Variants in NDUFAF5 observed in about 807,000 individuals in gnomAD.
NDUFAF5 encodes arginine-hydroxylase NDUFAF5, mitochondrial.
In NDUFAF5, 34 loss-of-function variants were observed where a neutral mutation model predicts 48.9. The observed-to-expected ratio is 0.70, with a 90% CI of 0.53 to 0.93. NDUFAF5 has a LOEUF of 0.93. NDUFAF5 is among the 40% of genes least tolerant of loss of function. NDUFAF5 has a pLI of 0.00. For missense variants in NDUFAF5, 428 were observed against 427.5 expected, an observed-to-expected ratio of 1.00 and a Z score of -0.01; for synonymous variants, 153 against 150.6, an observed-to-expected ratio of 1.02 and a Z score of -0.12.
At chr20:13,799,598 C>G (rs1482124758) in intron 6 of NDUFAF5, among the ~76,000 whole-genome samples, 2 of 151,778 alleles carry the variant, frequency 1.3e-5, no homozygotes, top group Admixed American at 6.6e-5. Flanking sequence ...ACTTGGGATG[C>G]TGAGGCAGGA....
chr20:13,793,218 A>C lies in NDUFAF5; in HGVS notation c.366A>C (p.Glu122Asp), dbSNP rs1236987632. The C allele has an allele frequency of 8.1e-6, 13 of 1,613,584 alleles. No homozygotes were observed. Among genetic ancestry groups the C allele is most frequent in the Non-Finnish European group, 1.0e-5 (12 of 1,179,798 alleles). ...IGKFFQADIA[E>D]NALKNSSETE... ...AGTTTTTCCAAGCTGACATTGCAGAAAATGCTTTGGTAGGTAGCTTTTTAA... is the reference window on the plus strand; with the variant it reads ...AGTTTTTCCAAGCTGACATTGCAGACAATGCTTTGGTAGGTAGCTTTTTAA... The change falls in exon 4 of 11, where the codon GAA becomes GAC. Residue 122 changes from glutamate (E) to aspartate (D), a missense_variant. Coordinates refer to ENST00000378106, the MANE Select transcript of NDUFAF5 (RefSeq NM_024120.5).
intron 7 of NDUFAF5, among the ~76,000 whole-genome samples, chr20:13,803,750 A>G (rs1040514923): frequency 1.3e-5 from 2 of 152,160 alleles, no homozygotes; most frequent in Non-Finnish European, 2.9e-5. Context: ...GTTAACATAA[A>G]TGACCCTTTT....
chr20:13,807,295 C>T (rs1398452082), intron 7 of NDUFAF5, among the ~76,000 whole-genome samples: 1 of 152,096 alleles, frequency 6.6e-6, no homozygotes, highest in Non-Finnish European at 1.5e-5. Flanking sequence ...ATCTGCCTGC[C>T]TCGGCCTCCC....
chr20:13,799,691 T>A (rs145985462), intron 6 of NDUFAF5, among the ~76,000 whole-genome samples: 18 of 134,138 alleles, frequency 1.3e-4, no homozygotes, highest in Non-Finnish European at 3.2e-5. Flanking sequence ...AGAGTGAGAC[T>A]CTGTCTCAAA....
chr20:13,814,660 CT>C (rs1986254901), intron 8 of NDUFAF5: 11 of 409,330 alleles, frequency 2.7e-5, no homozygotes, highest in Middle Eastern at 8.8e-4. Flanking sequence ...CCAGATTTTT[CT>C]GTTATCTCAA....
At position 13,798,500 on chromosome 20, in the gene NDUFAF5, G is replaced by C; in HGVS notation, c.519G>C (p.Gln173His). ...ATGACCTTCCTAGAGCACTTGAGCA[G>C]GTAAGAAAACTTATGTTCATTCAAC... is the stretch of plus-strand genomic sequence containing the variant. ...WVNDLPRALEQIHYILKPDGV... is the reference protein window; with the variant it reads ...WVNDLPRALEHIHYILKPDGV... The change falls in exon 6 of 11, where the codon CAG (glutamine) becomes CAC (histidine). Residue 173 changes from glutamine to histidine, a missense_variant and splice_region_variant. Physicochemically the swap from Gln to His is conservative, Grantham distance 24. Coordinates refer to ENST00000378106, the MANE Select transcript of NDUFAF5 (RefSeq NM_024120.5). 3 of 1,605,308 alleles carry C rather than the reference G, an allele frequency of 1.9e-6. No homozygotes were observed. The highest frequency in any genetic ancestry group is 2.6e-6 in the Non-Finnish European group (3 of 1,172,222).
rs920975683 is a variant in NDUFAF5 at position 13,820,066 on chromosome 20, T to A, written c.*2856T>A. On this transcript the variant is annotated 3_prime_UTR_variant, in exon 11 of 11. Transcript: ENST00000378106. ...TTGTCAGTCTGACAGGGCTCTAGTATGTGCACACCGTGACACCTGTTGGCT... is the reference window on the plus strand; with the variant it reads ...TTGTCAGTCTGACAGGGCTCTAGTAAGTGCACACCGTGACACCTGTTGGCT... The A allele has an allele frequency of 1.3e-5, 2 of 152,216 alleles. No individual in the cohort carries two copies. Among genetic ancestry groups the A allele is most frequent in the African/African-American group, 4.8e-5 (2 of 41,446 alleles). The allele number at this position is 152,216 out of a possible 1,614,324, so 9.4% of individuals were successfully genotyped here.
intron 8 of NDUFAF5, among the ~76,000 whole-genome samples, chr20:13,810,857 A>ATAAACAT (rs1161414409): frequency 6.6e-6 from 1 of 152,190 alleles, no homozygotes; most frequent in African/African-American, 2.4e-5. Context: ...GTTTGAAAAC[A>ATAAACAT]AGAAGTTCCC....
In NDUFAF5 at chr20:13,817,282, TA is replaced by T. The variant is rs1568788580; in HGVS notation, c.*73del. 1 of 1,199,656 alleles carries T rather than the reference TA, an allele frequency of 8.3e-7. No individual in the cohort carries two copies. The highest frequency in any genetic ancestry group is 1.5e-5 in the African/African-American group (1 of 66,984). The allele number at this position is 1,199,656 out of a possible 1,614,324, so 74.3% of individuals were successfully genotyped here. A position where few individuals can be genotyped will look rare whatever the true frequency, so the allele number is the denominator to read the frequency against. On this transcript the variant is annotated 3_prime_UTR_variant, in exon 11 of 11. Transcript: ENST00000378106. Reference sequence around the variant, plus strand: ...ATAGCTTTAACATCTAAAATTATTATATTTTGAAGCAAGAAGCACTCTAAGC... The same window carrying T: ...ATAGCTTTAACATCTAAAATTATTATTTTTGAAGCAAGAAGCACTCTAAGC...
Position 13,818,457 on chromosome 20 carries a change from T to TTA in NDUFAF5, c.*1247_*1248insTA. The TTA allele has an allele frequency of 2.9e-6, 1 of 341,930 alleles. No individual in the cohort carries two copies. The highest frequency in any genetic ancestry group is 5.6e-6 in the Non-Finnish European group (1 of 177,314). 21.2% of individuals were successfully genotyped at this position (341,930 alleles called of 1,614,324 possible). ...TGTTTTTTGGGGTTTTTTTTTTTTT[T>TTA]AGCTTAATTTTCAGAACTTGAAGAG... On this transcript the variant is annotated 3_prime_UTR_variant, in exon 11 of 11. Transcript: ENST00000378106.
At position 13,793,200 on chromosome 20, in the gene NDUFAF5, C is replaced by T. The variant is rs766188304; in HGVS notation, c.348C>T (p.Phe116=). 6.2e-7 allele frequency: 1 copy of T among 1,613,902 alleles called. No individual in the cohort carries two copies. The highest frequency in any genetic ancestry group is 1.1e-5 in the South Asian group (1 of 91,078). ...YLNKETIGKF[F]QADIAENALK... is the part of the protein sequence containing the mutation. ...TGCAGGAAACTATTGGAAAGTTTTT[C>T]CAAGCTGACATTGCAGAAAATGCTT... Residue 116 remains phenylalanine (F), a synonymous_variant, in exon 4 of 11, where the codon TTC becomes TTT. Coordinates refer to ENST00000378106, the MANE Select transcript of NDUFAF5 (RefSeq NM_024120.5).
At position 13,785,330 on chromosome 20, in the gene NDUFAF5, CGGA is replaced by C. The variant is rs752695656; in HGVS notation, c.222+43_222+45del. ...CGGCGGGGCGGCGGGGCGGGCGACG[CGGA>C]GGCTTGTTTTCCTCTCCGCTAGTTC... is the stretch of plus-strand genomic sequence containing the variant. On this transcript the variant is annotated intron_variant, in intron 1 of 10. Coordinates refer to ENST00000378106, the MANE Select transcript of NDUFAF5 (RefSeq NM_024120.5). The C allele has an allele frequency of 1.7e-5, 22 of 1,295,986 alleles. 1 individual carries two copies. The East Asian group carries it at 5.3e-4, about 31-fold the overall frequency. 80.3% of individuals were successfully genotyped at this position (1,295,986 alleles called of 1,614,324 possible).
At chr20:13,799,671 C>T (rs1168860806) in intron 6 of NDUFAF5, among the ~76,000 whole-genome samples, 3 of 150,024 alleles carry the variant, frequency 2.0e-5, no homozygotes, top group Non-Finnish European at 4.4e-5. Context: ...TGCACTCCAG[C>T]CTAGACGACA....
intron 3 of NDUFAF5, among the ~76,000 whole-genome samples, chr20:13,789,944 T>C (rs1981994725): frequency 6.6e-6 from 1 of 151,846 alleles, no homozygotes; most frequent in Non-Finnish European, 1.5e-5. Context: ...AAAGAAAAAA[T>C]CAGTAGGAGT....
Position 13,785,251 on chromosome 20 carries a change from G to A in NDUFAF5, c.183G>A (p.Arg61=). The A allele has an allele frequency of 6.2e-7, 1 of 1,612,964 alleles. No homozygotes were observed. The highest frequency in any genetic ancestry group is 8.5e-7 in the Non-Finnish European group (1 of 1,179,520). ...LKRKQKNWAA[R]QPEPTKFDYL... is the part of the protein sequence containing the mutation. ...GGAAACAGAAGAACTGGGCAGCCCG[G>A]CAGCCCGAGCCGACCAAATTTGACT... is the stretch of plus-strand genomic sequence containing the variant. Residue 61 remains arginine, a synonymous_variant, in exon 1 of 11, where the codon CGG becomes CGA. Coordinates refer to ENST00000378106, the MANE Select transcript of NDUFAF5 (RefSeq NM_024120.5).
At chr20:13,797,672 C>G (rs1367343717) in intron 5 of NDUFAF5, among the ~76,000 whole-genome samples, 1 of 152,170 alleles carries the variant, frequency 6.6e-6, no homozygotes, top group East Asian at 1.9e-4. Flanking sequence ...TATGACATTA[C>G]ACGTTTATCC....
At chr20:13,809,393 C>CT (rs879743225) in intron 8 of NDUFAF5, among the ~76,000 whole-genome samples, 2 of 151,698 alleles carry the variant, frequency 1.3e-5, no homozygotes, top group Non-Finnish European at 2.9e-5. Context: ...GAGCTGTGCT[C>CT]TAAAAAAAAA....
At chr20:13,814,543 A>G in intron 8 of NDUFAF5, 1 of 1,113,076 alleles carries the variant, frequency 9.0e-7, no homozygotes, top group Non-Finnish European at 1.2e-6. Context: ...TTTAAACAAT[A>G]CTCAGTATTG....
chr20:13,820,193 T>G lies in NDUFAF5; in HGVS notation c.*2983T>G, dbSNP rs899214451. On this transcript the variant is annotated 3_prime_UTR_variant, in exon 11 of 11. Transcript: ENST00000378106. ...TGAAAATGTATACCTACAAAAGAAT[T>G]TTTGCTTTATAGGAAGAATTTGTAG... 1 of 152,170 alleles carries G rather than the reference T, an allele frequency of 6.6e-6. No individual in the cohort carries two copies. Among genetic ancestry groups the G allele is most frequent in the African/African-American group, 2.4e-5 (1 of 41,422 alleles). The allele number at this position is 152,170 out of a possible 1,614,324, so 9.4% of individuals were successfully genotyped here. A position where few individuals can be genotyped will look rare whatever the true frequency, so the allele number is the denominator to read the frequency against.
Sources: gnomAD v4.1 joint callset for allele counts (sites outside exome capture counted in the v4.1 genomes callset) on GRCh38, gnomAD v4.1.1 for gene constraint, MANE v1.5 for transcripts, NCBI Gene and HGNC (gene_info 2026-07-23, HGNC 2026-07-21) for gene names.